The following THSD7A variants were observed in gnomAD, a reference collection of about 807,000 sequenced individuals.
The protein encoded by THSD7A is thrombospondin type-1 domain-containing protein 7A.
A neutral mutation model predicts 231.3 loss-of-function variants in THSD7A; 96 were observed. The ratio of observed to expected loss-of-function variants is 0.41; its 90% CI spans 0.35 to 0.49. The LOEUF is 0.49. Among genes scored for constraint, THSD7A ranks in the 20% least tolerant of loss-of-function variants. The probability of loss-of-function intolerance (pLI) is 0.05; values close to 1 mark genes in which losing one functional copy is unlikely to be tolerated. For missense variants in THSD7A, 2,290 were observed against 2,070.2 expected (o/e 1.11, Z -2.06); for synonymous variants, 940 against 743.3 (o/e 1.26, Z -4.30).
In THSD7A at chr7:11,428,772, GAT is replaced by G. The variant is rs1784395662; in HGVS notation, c.3243+173_3243+174del. On this transcript the variant is annotated intron_variant, in intron 14 of 27. Coordinates refer to ENST00000423059, the MANE Select transcript of THSD7A (RefSeq NM_015204.3). ...AGGTATGGAATCTCCAGAGAATACA[GAT>G]ATGTCTAATTTGAAATTTTAATAAC... Among the ~76,000 whole-genome samples the G allele has an allele frequency of 2.6e-5, 4 of 152,072 alleles. No homozygotes were observed. The South Asian group carries it at 8.3e-4, about 32-fold the overall frequency.
At chr7:11,767,523 CT>C (rs1783066288) in intron 1 of THSD7A, among the ~76,000 whole-genome samples, 1 of 152,166 alleles carries the variant, frequency 6.6e-6, no homozygotes, top group African/African-American at 2.4e-5. Flanking sequence ...TTGTTTAAAA[CT>C]GTAACCCTGC....
intron 6 of THSD7A, among the ~76,000 whole-genome samples, chr7:11,494,376 C>T (rs981096030): frequency 2.6e-5 from 4 of 151,922 alleles, no homozygotes; most frequent in Non-Finnish European, 4.4e-5. Context: ...CAAAACAAAA[C>T]AAGGACCACA....
intron 1 of THSD7A, among the ~76,000 whole-genome samples, chr7:11,669,487 A>G (rs1783287269): frequency 6.6e-6 from 1 of 152,004 alleles, no homozygotes; most frequent in South Asian, 2.1e-4. Flanking sequence ...GATTGCTGTT[A>G]TTTAAGAGTG....
At chr7:11,789,560 C>CT (rs5882324) in intron 1 of THSD7A, among the ~76,000 whole-genome samples, 1,970 of 147,978 alleles carry the variant, frequency 0.013, 43 homozygotes, top group African/African-American at 0.045. Context: ...ATTTATTTGT[C>CT]TTTTTTTTTT....
chr7:11,587,803 A>G (rs1779976101), intron 4 of THSD7A, among the ~76,000 whole-genome samples: 5 of 152,182 alleles, frequency 3.3e-5, no homozygotes, highest in Admixed American at 2.6e-4. Flanking sequence ...GTGTAACACA[A>G]TGCACCAAGT....
At chr7:11,749,324 ATAT>A (rs905624200) in intron 1 of THSD7A, among the ~76,000 whole-genome samples, 1 of 151,954 alleles carries the variant, frequency 6.6e-6, no homozygotes, top group African/African-American at 2.4e-5. Context: ...AAGCTTGAAT[ATAT>A]TGCTGTGCAC....
At chr7:11,476,323 A>G (rs1786175585) in intron 7 of THSD7A, among the ~76,000 whole-genome samples, 1 of 115,614 alleles carries the variant, frequency 8.6e-6, no homozygotes, top group Non-Finnish European at 1.7e-5. Flanking sequence ...GAAGATACAC[A>G]CACACACACA....
At chr7:11,429,365 C>T (rs775469887) in intron 13 of THSD7A, among the ~76,000 whole-genome samples, 2 of 152,184 alleles carry the variant, frequency 1.3e-5, no homozygotes, top group Non-Finnish European at 2.9e-5. Context: ...GATTCATGCT[C>T]ACCATATTTC....
intron 23 of THSD7A, among the ~76,000 whole-genome samples, chr7:11,387,060 A>T (rs1782775391): frequency 6.6e-6 from 1 of 152,004 alleles, no homozygotes; most frequent in African/African-American, 2.4e-5. Context: ...ATTGTGTTCC[A>T]TTGGTCTATA....
intron 1 of THSD7A, among the ~76,000 whole-genome samples, chr7:11,710,688 G>A (rs1342322406): frequency 6.6e-6 from 1 of 150,844 alleles, no homozygotes; most frequent in Non-Finnish European, 1.5e-5. Context: ...CTCTGAGGAA[G>A]AGAAGTTCTT....
At chr7:11,767,066 G>A (rs1175734940) in intron 1 of THSD7A, among the ~76,000 whole-genome samples, 1 of 151,992 alleles carries the variant, frequency 6.6e-6, no homozygotes, top group African/African-American at 2.4e-5. Context: ...AAAGTGTGTG[G>A]GTGTGTGTAC....
At chr7:11,796,645 C>G (rs1372618032) in intron 1 of THSD7A, among the ~76,000 whole-genome samples, 2 of 151,098 alleles carry the variant, frequency 1.3e-5, no homozygotes, top group Non-Finnish European at 2.9e-5. Flanking sequence ...ACGTTTATTA[C>G]TATTGTTATT....
intron 22 of THSD7A, among the ~76,000 whole-genome samples, chr7:11,405,152 A>T (rs1336495316): frequency 1.4e-5 from 2 of 145,590 alleles, no homozygotes; most frequent in South Asian, 2.2e-4. Flanking sequence ...ATCTCAAATG[A>T]TTTTTTTTTT....
chr7:11,792,626 A>G (rs1326213336), intron 1 of THSD7A, among the ~76,000 whole-genome samples: 1 of 151,986 alleles, frequency 6.6e-6, no homozygotes, highest in Middle Eastern at 3.2e-3. Flanking sequence ...AACTGAATCA[A>G]ATGATGAAGA....
chr7:11,697,480 TGTA>T (rs1780438274), intron 1 of THSD7A, among the ~76,000 whole-genome samples: 1 of 151,502 alleles, frequency 6.6e-6, no homozygotes, highest in Non-Finnish European at 1.5e-5. Flanking sequence ...CATAGTATTT[TGTA>T]TGATATTTAA....
At chr7:11,535,368 T>C (rs1184639289) in intron 6 of THSD7A, among the ~76,000 whole-genome samples, 2 of 152,050 alleles carry the variant, frequency 1.3e-5, no homozygotes, top group Non-Finnish European at 2.9e-5. Context: ...GAGTATCTGA[T>C]GCCAAGTTTT....
intron 2 of THSD7A, among the ~76,000 whole-genome samples, chr7:11,627,947 C>G (rs947312917): frequency 6.6e-6 from 1 of 151,910 alleles, no homozygotes; most frequent in Admixed American, 6.6e-5. Flanking sequence ...GCTAAAATCA[C>G]TATCATTAAT....
intron 1 of THSD7A, among the ~76,000 whole-genome samples, chr7:11,645,292 G>C (rs1219111650): frequency 2.0e-5 from 3 of 151,584 alleles, no homozygotes; most frequent in Admixed American, 2.0e-4. Context: ...ATTTATTTGA[G>C]ATACTAACAT....
intron 1 of THSD7A, among the ~76,000 whole-genome samples, chr7:11,695,317 G>A (rs1562482933): frequency 6.6e-6 from 1 of 151,372 alleles, no homozygotes; most frequent in Non-Finnish European, 1.5e-5. Context: ...CCTAAAACTG[G>A]TTATTGATTC....
Sources: gnomAD v4.1 joint callset for allele counts (sites outside exome capture counted in the v4.1 genomes callset) on GRCh38, gnomAD v4.1.1 for gene constraint, MANE v1.5 for transcripts, NCBI Gene and HGNC (gene_info 2026-07-23, HGNC 2026-07-21) for gene names.